PTPN20: variants seen among roughly 807,000 people sequenced by gnomAD.
PTPN20 encodes tyrosine-protein phosphatase non-receptor type 20.
PTPN20 carries 9 observed loss-of-function variants against 35.0 expected under a neutral mutation model. That is an observed-to-expected ratio of 0.26 (90% confidence interval 0.15 to 0.45). PTPN20 has a LOEUF of 0.45. Ranked by LOEUF, PTPN20 falls within the 20% of genes least tolerant of loss-of-function variation. PTPN20 has a pLI of 1.00. For missense variants in PTPN20, 111 were observed against 312.5 expected (o/e 0.36, Z 4.86); for synonymous variants, 32 against 100.2 (o/e 0.32, Z 4.06).
intron 1 of PTPN20, chr10:46,925,963 TC>T (rs2037219465): frequency 1.0e-6 from 1 of 984,032 alleles, no homozygotes; most frequent in African/African-American, 1.8e-5. Flanking sequence ...TGACTTCTTT[TC>T]ATTTTCTTAG....
At chr10:46,953,519 A>G (rs1345527543) in intron 5 of PTPN20, among the ~76,000 whole-genome samples, 6 of 141,424 alleles carry the variant, frequency 4.2e-5, no homozygotes, top group Non-Finnish European at 8.9e-5. Flanking sequence ...TCTGTTTTTC[A>G]TCATAAAGTA....
intron 1 of PTPN20, among the ~76,000 whole-genome samples, chr10:46,929,544 T>A (rs2038884352): frequency 6.6e-6 from 1 of 151,790 alleles, no homozygotes; most frequent in African/African-American, 2.4e-5. Flanking sequence ...TACCTGGTGA[T>A]ACATACACAT....
intron 9 of PTPN20, among the ~76,000 whole-genome samples, chr10:46,995,717 A>T (rs1003148372): frequency 6.6e-6 from 1 of 152,262 alleles, no homozygotes; most frequent in South Asian, 2.1e-4. Flanking sequence ...TGAGGTAGGG[A>T]CAGGTTTCCT....
At position 46,984,424 on chromosome 10, in the gene PTPN20, G is replaced by A. The variant is rs1286080324; in HGVS notation, c.778G>A (p.Gly260Ser). Residue 260 changes from glycine to serine, a missense_variant, in exon 8 of 11, where the codon GGT (glycine) becomes AGT (serine). Gly to Ser is a moderately conservative substitution (Grantham distance 56, BLOSUM62 0). This residue lies in a region of PTPN20 where 15 missense variants were observed against 24.9 expected (regional missense o/e 0.60). Transcript: ENST00000374339. Reference protein sequence around the residue: ...VIAMITREIEGGIIKCYHYWP... With the variant: ...VIAMITREIESGIIKCYHYWP... ...TGCCATGATAACCAGAGAGATAGAA[G>A]GTGGAATTATCAAATGCTACCATTA... 45 of 1,611,620 alleles carry A rather than the reference G, an allele frequency of 2.8e-5. No individual in the cohort carries two copies. The East Asian group carries it at 2.9e-4, about 10-fold the overall frequency.
intron 9 of PTPN20, among the ~76,000 whole-genome samples, chr10:46,995,912 A>G (rs1485364990): frequency 1.3e-5 from 2 of 152,208 alleles, no homozygotes; most frequent in South Asian, 4.2e-4. Flanking sequence ...GGATCCAGGA[A>G]CTGTCTTCTC....
intron 1 of PTPN20, among the ~76,000 whole-genome samples, chr10:46,931,705 C>T (rs1188069477): frequency 7.0e-6 from 1 of 143,368 alleles, no homozygotes; most frequent in East Asian, 2.0e-4. Context: ...TTTTTTAACA[C>T]CTATATCTCA....
intron 5 of PTPN20, among the ~76,000 whole-genome samples, chr10:46,954,100 T>TGG (rs1208826756): frequency 3.1e-5 from 3 of 97,004 alleles, no homozygotes; most frequent in African/African-American, 1.7e-4. Context: ...TTTTTTTTTT[T>TGG]GGGGGGGGGT....
At chr10:46,983,348 C>A (rs1315824863) in intron 7 of PTPN20, among the ~76,000 whole-genome samples, 1 of 150,636 alleles carries the variant, frequency 6.6e-6, no homozygotes, top group African/African-American at 2.4e-5. Context: ...CAGGTCTTGT[C>A]AGCATATTTA....
intron 9 of PTPN20, among the ~76,000 whole-genome samples, chr10:46,992,606 G>A (rs1165491128): frequency 1.3e-5 from 2 of 152,168 alleles, no homozygotes; most frequent in East Asian, 3.9e-4. Flanking sequence ...AAATGGCTTT[G>A]TCAACTTTTT....
At chr10:46,937,844 C>T (rs1197294551) in intron 2 of PTPN20, among the ~76,000 whole-genome samples, 1 of 151,022 alleles carries the variant, frequency 6.6e-6, no homozygotes, top group African/African-American at 2.4e-5. Flanking sequence ...CTTTTCTATT[C>T]CTTGGCATAC....
At chr10:46,993,648 G>A (rs2058448450) in intron 9 of PTPN20, among the ~76,000 whole-genome samples, 1 of 152,098 alleles carries the variant, frequency 6.6e-6, no homozygotes, top group Admixed American at 6.5e-5. Flanking sequence ...TAGAAACAAA[G>A]AAAAAATTTT....
At chr10:46,988,602 A>G (rs1275172490) in intron 9 of PTPN20, among the ~76,000 whole-genome samples, 2 of 150,644 alleles carry the variant, frequency 1.3e-5, no homozygotes, top group Non-Finnish European at 3.0e-5. Flanking sequence ...TATAAATGAG[A>G]ACATGCAGTA....
intron 9 of PTPN20, among the ~76,000 whole-genome samples, chr10:46,993,706 CTTA>C (rs1422788868): frequency 6.6e-6 from 1 of 152,162 alleles, no homozygotes; most frequent in African/African-American, 2.4e-5. Context: ...ATTTCAACTG[CTTA>C]TTATCTAAAT....
At chr10:46,998,914 G>T (rs1555183440) in intron 9 of PTPN20, among the ~76,000 whole-genome samples, 1 of 140,738 alleles carries the variant, frequency 7.1e-6, no homozygotes, top group Non-Finnish European at 1.5e-5. Context: ...TAGGCCAGGA[G>T]TTTGAAACCA....
intron 7 of PTPN20, chr10:46,981,478 T>G (rs1399346676): frequency 3.4e-5 from 5 of 147,888 alleles, no homozygotes; most frequent in Admixed American, 6.7e-5. Context: ...CACTATTCCA[T>G]GGGATGATCA....
chr10:46,981,480 G>T (rs2055376229), intron 7 of PTPN20: 1 of 147,870 alleles, frequency 6.8e-6, no homozygotes, highest in African/African-American at 2.5e-5. Flanking sequence ...CTATTCCATG[G>T]GATGATCAGC....
chr10:46,939,941 G>A (rs2042922699), intron 2 of PTPN20, among the ~76,000 whole-genome samples: 1 of 152,128 alleles, frequency 6.6e-6, no homozygotes, highest in African/African-American at 2.4e-5. Context: ...AATATGCCAT[G>A]CCATAGAATT....
At chr10:46,939,125 T>A (rs1244325783) in intron 2 of PTPN20, among the ~76,000 whole-genome samples, 83 of 144,942 alleles carry the variant, frequency 5.7e-4, no homozygotes, top group African/African-American at 2.0e-3. Context: ...GCATGAGAGA[T>A]TTTTTTCATT....
intron 3 of PTPN20, among the ~76,000 whole-genome samples, chr10:46,941,281 A>G (rs1555135564): frequency 1.4e-5 from 2 of 142,518 alleles, no homozygotes; most frequent in African/African-American, 5.7e-5. Context: ...CCTGTAAGTT[A>G]CAGGAGTAAT....
Sources: allele counts gnomAD v4.1 joint callset (sites outside exome capture counted in the v4.1 genomes callset), GRCh38; gene constraint gnomAD v4.1.1; regional missense constraint gnomAD v4.1.1; transcripts MANE v1.5; gene names NCBI Gene and HGNC (gene_info 2026-07-23, HGNC 2026-07-21).